NYAP2: variants seen among roughly 807,000 people sequenced by gnomAD.
NYAP2 encodes the protein neuronal tyrosine-phosphorylated phosphoinositide-3-kinase adapter 2.
NYAP2 carries 23 observed loss-of-function variants against 50.4 expected under a neutral mutation model. The observed-to-expected ratio is 0.46, with a 90% CI of 0.33 to 0.65. The LOEUF (loss-of-function observed/expected upper bound fraction) is 0.65, where lower values mean the gene tolerates loss of function less well. Ranked by LOEUF, NYAP2 falls within the 30% of genes least tolerant of loss-of-function variation. The probability of loss-of-function intolerance (pLI) is 0.02; values close to 1 mark genes in which losing one functional copy is unlikely to be tolerated. For missense variants in NYAP2, 885 were observed against 861.0 expected (o/e 1.03, Z -0.35); for synonymous variants, 394 against 365.2 (o/e 1.08, Z -0.90).
the NYAP2 span, among the ~76,000 whole-genome samples, chr2:225,680,895 G>A: frequency 6.6e-6 from 1 of 151,900 alleles, no homozygotes; most frequent in Non-Finnish European, 1.5e-5. Context: ...GTATACTATT[G>A]GAAATTATTA....
exon 4 of NYAP2, chr2:225,513,431 G>A: frequency 6.2e-7 from 1 of 1,613,990 alleles, no homozygotes; most frequent in Non-Finnish European, 8.5e-7. Context: ...ATTTCCGCAT[G>A]GGATTCATGA....
At chr2:225,550,179 C>T (rs1691647149) in intron 4 of NYAP2, among the ~76,000 whole-genome samples, 2 of 152,140 alleles carry the variant, frequency 1.3e-5, no homozygotes, top group South Asian at 4.1e-4. Context: ...GATATGGCGA[C>T]CAGAAAACAT....
chr2:225,417,256 G>A (rs965458797), intron 3 of NYAP2, among the ~76,000 whole-genome samples: 3 of 152,128 alleles, frequency 2.0e-5, no homozygotes, highest in African/African-American at 7.2e-5. Flanking sequence ...GCCTGAGCAT[G>A]CTAATAAAAT....
chr2:225,564,423 G>T (rs183691206), intron 4 of NYAP2, among the ~76,000 whole-genome samples: 1 of 151,758 alleles, frequency 6.6e-6, no homozygotes, highest in East Asian at 2.0e-4. Context: ...CCAGTGTCTG[G>T]TCCCTGTGGT....
chr2:225,412,199 C>T (rs1188021062), intron 3 of NYAP2, among the ~76,000 whole-genome samples: 4 of 146,110 alleles, frequency 2.7e-5, no homozygotes, highest in Non-Finnish European at 6.0e-5. Flanking sequence ...CCTCATGATC[C>T]GCCTGCCTCA....
intron 5 of NYAP2, among the ~76,000 whole-genome samples, chr2:225,613,296 C>A (rs1009683755): frequency 1.3e-5 from 2 of 152,068 alleles, no homozygotes; most frequent in African/African-American, 4.8e-5. Flanking sequence ...CAGGAAGCAC[C>A]CAGACCAGAG....
chr2:225,627,779 TA>T (rs902200782), intron 6 of NYAP2, among the ~76,000 whole-genome samples: 5 of 152,220 alleles, frequency 3.3e-5, no homozygotes, highest in African/African-American at 7.2e-5. Flanking sequence ...ATCAACTTTT[TA>T]AAAAACAGCA....
chr2:225,622,642 C>T lies in NYAP2; in HGVS notation c.1619-4275C>T, dbSNP rs1253786042. Among the ~76,000 whole-genome samples the T allele has an allele frequency of 6.0e-5, 9 of 149,778 alleles. No homozygotes were observed. The East Asian group carries it at 9.9e-4, about 16-fold the overall frequency. ...TTGCCCAGGCTGGAGTGCAGTGGCTCGATCTTGGATCACTGCAACCTCCAC... is the reference window on the plus strand; with the variant it reads ...TTGCCCAGGCTGGAGTGCAGTGGCTTGATCTTGGATCACTGCAACCTCCAC... On this transcript the variant is annotated intron_variant, in intron 5 of 6. Coordinates refer to ENST00000636099, the Ensembl canonical transcript of NYAP2.
intron 3 of NYAP2, among the ~76,000 whole-genome samples, chr2:225,424,564 GC>G (rs1184119983): frequency 2.0e-5 from 3 of 151,616 alleles, no homozygotes; most frequent in Non-Finnish European, 4.4e-5. Flanking sequence ...CACTATAAAT[GC>G]CATAAATGCA....
intron 3 of NYAP2, among the ~76,000 whole-genome samples, chr2:225,495,823 C>G (rs536055972): frequency 1.3e-5 from 2 of 152,184 alleles, no homozygotes; most frequent in Non-Finnish European, 1.5e-5. Flanking sequence ...AGCATATCTT[C>G]AGTAGACTGA....
At chr2:225,674,834 G>A in the NYAP2 span, among the ~76,000 whole-genome samples, 1 of 152,070 alleles carries the variant, frequency 6.6e-6, no homozygotes, top group Non-Finnish European at 1.5e-5. Context: ...TTTGCCAAAG[G>A]CATGAGGTCA....
chr2:225,493,872 G>A (rs916340488), intron 3 of NYAP2, among the ~76,000 whole-genome samples: 2 of 152,196 alleles, frequency 1.3e-5, no homozygotes, highest in Non-Finnish European at 2.9e-5. Flanking sequence ...GGAAAGAAGT[G>A]CACAAGCAGC....
intron 3 of NYAP2, among the ~76,000 whole-genome samples, chr2:225,440,539 C>A (rs905051377): frequency 6.6e-6 from 1 of 151,996 alleles, no homozygotes; most frequent in Admixed American, 6.6e-5. Context: ...TCTGAATGTA[C>A]GGAGGATTTC....
intron 6 of NYAP2, among the ~76,000 whole-genome samples, chr2:225,650,210 T>G (rs997663244): frequency 2.0e-5 from 3 of 152,154 alleles, no homozygotes; most frequent in Admixed American, 1.3e-4. Flanking sequence ...GAAACTGAAG[T>G]TGGCAGTGAA....
At position 225,561,209 on chromosome 2, in the gene NYAP2, G is replaced by A. The variant is rs542583425; in HGVS notation, c.524-20732G>A. Among the ~76,000 whole-genome samples the A allele has an allele frequency of 2.0e-5, 3 of 152,194 alleles. No individual in the cohort carries two copies. In the East Asian group the frequency reaches 5.8e-4, roughly 29 times the overall value. On this transcript the variant is annotated intron_variant, in intron 4 of 6. Coordinates refer to ENST00000636099, the Ensembl canonical transcript of NYAP2. Reference sequence around the variant, plus strand: ...GGGGATGACCATTTTGAATAAGGTGGTCATGAGAAACCCTCAGTGATGAGG... The same window carrying A: ...GGGGATGACCATTTTGAATAAGGTGATCATGAGAAACCCTCAGTGATGAGG...
chr2:225,689,427 T>A, the NYAP2 span, among the ~76,000 whole-genome samples: 1 of 152,146 alleles, frequency 6.6e-6, no homozygotes, highest in East Asian at 1.9e-4. Context: ...ACATGTGATG[T>A]TTGTTATTAT....
At chr2:225,627,290 T>C (rs1693227609) in intron 6 of NYAP2, among the ~76,000 whole-genome samples, 164 bp downstream of exon 6, 1 of 152,222 alleles carries the variant, frequency 6.6e-6, no homozygotes, top group Non-Finnish European at 1.5e-5. Flanking sequence ...TATAACAATA[T>C]ATTGTACTGC....
At chr2:225,484,914 T>C (rs568709112) in intron 3 of NYAP2, among the ~76,000 whole-genome samples, 1 of 152,338 alleles carries the variant, frequency 6.6e-6, no homozygotes, top group South Asian at 2.1e-4. Context: ...CCCAGTGCTA[T>C]TGAATCAGAA....
chr2:225,627,096 C>T lies in NYAP2; in HGVS notation c.1798C>T (p.Pro600Ser), dbSNP rs759037670. 4.4e-6 allele frequency: 7 copies of T among 1,592,644 alleles called. 1 individual carries two copies. In the South Asian group the frequency reaches 5.7e-5, roughly 13 times the overall value. ...TCGACTAGGAAGATGCTCTGTGAGC[C>T]CCACCTTGTTAGCGGGAAACCACAG... The change falls in exon 6 of 7, where the codon CCC becomes TCC. Residue 600 changes from proline (P) to serine (S), a missense_variant. Pro to Ser is a moderately conservative substitution (Grantham distance 74). Coordinates refer to ENST00000636099, the Ensembl canonical transcript of NYAP2.
Sources: allele counts gnomAD v4.1 joint callset (sites outside exome capture counted in the v4.1 genomes callset), GRCh38; gene constraint gnomAD v4.1.1; transcripts MANE v1.5; gene names NCBI Gene and HGNC (gene_info 2026-07-23, HGNC 2026-07-21).